The following PRLR variants were observed in gnomAD, a reference collection of about 807,000 sequenced individuals.
The protein encoded by PRLR is prolactin receptor, also known as hPRL receptor.
In PRLR, 13 loss-of-function variants were observed where a neutral mutation model predicts 40.2. The observed-to-expected ratio is 0.32, with a 90% CI of 0.21 to 0.51. PRLR has a LOEUF of 0.51. Among genes scored for constraint, PRLR ranks in the 20% least tolerant of loss-of-function variants. PRLR has a pLI of 0.97. For missense variants in PRLR, 656 were observed against 747.3 expected, an observed-to-expected ratio of 0.88 and a Z score of 1.42; for synonymous variants, 269 against 278.7, an observed-to-expected ratio of 0.97 and a Z score of 0.35.
At chr5:35,225,747 T>TCTTGG (rs2111689072) in intron 1 of PRLR, among the ~76,000 whole-genome samples, 1 of 152,330 alleles carries the variant, frequency 6.6e-6, no homozygotes, top group African/African-American at 2.4e-5. Context: ...AATGGCGCAA[T>TCTTGG]CTTGGCTCAC....
At chr5:35,192,953 G>GT (rs926568175) in intron 1 of PRLR, among the ~76,000 whole-genome samples, 7 of 152,168 alleles carry the variant, frequency 4.6e-5, no homozygotes, top group African/African-American at 1.7e-4. Context: ...TCTGAGTGTG[G>GT]TTTTTTCCTG....
At chr5:35,101,063 G>A (rs1000506363) in intron 2 of PRLR, among the ~76,000 whole-genome samples, 1 of 152,196 alleles carries the variant, frequency 6.6e-6, no homozygotes, top group African/African-American at 2.4e-5. Context: ...AAGTAGAAGA[G>A]CAGTGATTAA....
chr5:35,090,100 T>C (rs1316311528), intron 2 of PRLR, among the ~76,000 whole-genome samples: 3 of 152,176 alleles, frequency 2.0e-5, no homozygotes, highest in Non-Finnish European at 2.9e-5. Context: ...GTACCCTCAG[T>C]ACAATCTCAA....
chr5:35,119,871 G>C (rs1311778820), intron 1 of PRLR, among the ~76,000 whole-genome samples: 1 of 152,176 alleles, frequency 6.6e-6, no homozygotes, highest in Non-Finnish European at 1.5e-5. Context: ...GCAGATAGCA[G>C]CAGTGAGGGC....
intron 1 of PRLR, among the ~76,000 whole-genome samples, chr5:35,130,650 T>C (rs556560599): frequency 1.6e-4 from 24 of 152,292 alleles, no homozygotes; most frequent in African/African-American, 4.1e-4. Flanking sequence ...ATGGAAACCT[T>C]CTCATAATGT....
chr5:35,200,849 C>T (rs768391914), intron 1 of PRLR, among the ~76,000 whole-genome samples: 43 of 152,290 alleles, frequency 2.8e-4, no homozygotes, highest in South Asian at 8.3e-4. Flanking sequence ...ACAGACTTTG[C>T]GAAGATCACA....
chr5:35,051,016 C>T (rs1768478838), downstream of PRLR, among the ~76,000 whole-genome samples: 1 of 152,148 alleles, frequency 6.6e-6, no homozygotes, highest in Non-Finnish European at 1.5e-5. Flanking sequence ...TACTGTAACC[C>T]TTAGAATTTC....
chr5:35,093,719 G>T (rs1216625708), intron 2 of PRLR, among the ~76,000 whole-genome samples: 1 of 152,186 alleles, frequency 6.6e-6, no homozygotes, highest in Non-Finnish European at 1.5e-5. Flanking sequence ...CAAATTGTAA[G>T]TACAGTCATG....
Position 35,086,257 on chromosome 5 carries a change from T to C in PRLR, c.154A>G (p.Thr52Ala). The C allele has an allele frequency of 6.2e-7, 1 of 1,614,068 alleles. No homozygotes were observed. Among genetic ancestry groups the C allele is most frequent in the African/African-American group, 1.3e-5 (1 of 75,020 alleles). The change falls in exon 4 of 10, where the codon ACA becomes GCA. Residue 52 changes from threonine to alanine, a missense_variant. By Grantham distance (58) the Thr-to-Ala change is moderately conservative. Coordinates refer to ENST00000618457, the MANE Select transcript of PRLR (RefSeq NM_000949.7). The stretch of plus-strand genomic sequence containing the variant: ...TAATTGGTAGGAAGTCCTCCATCTG[T>C]CCCAGGCCTCCACCAGCAGGTGAAT... ...ETFTCWWRPG[T>A]DGGLPTNYSL... is the part of the protein sequence containing the mutation.
chr5:35,192,924 G>A (rs1452464194), intron 1 of PRLR, among the ~76,000 whole-genome samples: 2 of 152,196 alleles, frequency 1.3e-5, no homozygotes, highest in Admixed American at 6.5e-5. Context: ...CTGTCCCCAA[G>A]ACTGATGCTG....
chr5:35,228,622 G>A lies in PRLR; in HGVS notation c.-106+1646C>T, dbSNP rs982041007. 2.6e-5 allele frequency among the ~76,000 whole-genome samples: 4 copies of A among 152,298 alleles called. No homozygotes were observed. In the East Asian group the frequency reaches 7.7e-4, roughly 29 times the overall value. On this transcript the variant is annotated intron_variant, in intron 1 of 9. Coordinates refer to ENST00000618457, the MANE Select transcript of PRLR (RefSeq NM_000949.7). Reference sequence around the variant, plus strand: ...TTAGATGGCTCTCCAGGGTTGGTGGGACTGAAAATTCTAGGGGTAAGGACT... The same window carrying A: ...TTAGATGGCTCTCCAGGGTTGGTGGAACTGAAAATTCTAGGGGTAAGGACT...
At chr5:35,190,476 G>C (rs1331822978) in intron 1 of PRLR, among the ~76,000 whole-genome samples, 1 of 152,052 alleles carries the variant, frequency 6.6e-6, no homozygotes, top group South Asian at 2.1e-4. Flanking sequence ...ATAGTGGCAG[G>C]TGCCTGTAAT....
Position 35,061,685 on chromosome 5 carries a change from G to T in PRLR, c.*3404C>A, listed in dbSNP as rs1251101304. On this transcript the variant is annotated 3_prime_UTR_variant, in exon 10 of 10. Transcript: ENST00000618457. ...TGAATTGGAACATCTTGCTGTTCAG[G>T]TTGTAAGCTACACAAATCACCCGTT... The T allele has an allele frequency of 6.6e-6, 1 of 152,172 alleles. No homozygotes were observed. Among genetic ancestry groups the T allele is most frequent in the African/African-American group, 2.4e-5 (1 of 41,436 alleles). 9.4% of individuals were successfully genotyped at this position (152,172 alleles called of 1,614,324 possible).
intron 1 of PRLR, among the ~76,000 whole-genome samples, chr5:35,221,731 A>G (rs1776426022): frequency 1.3e-5 from 2 of 152,226 alleles, no homozygotes; most frequent in South Asian, 2.1e-4. Flanking sequence ...TCTCACGTGC[A>G]ATCAGTGTGG....
At chr5:35,080,565 G>A (rs922742401) in intron 5 of PRLR, among the ~76,000 whole-genome samples, 6 of 152,206 alleles carry the variant, frequency 3.9e-5, no homozygotes, top group African/African-American at 1.2e-4. Context: ...AGGATGTGGA[G>A]AAATAGGAAC....
chr5:35,137,218 G>C (rs1182118010), intron 1 of PRLR, among the ~76,000 whole-genome samples: 1 of 152,206 alleles, frequency 6.6e-6, no homozygotes, highest in Non-Finnish European at 1.5e-5. Flanking sequence ...CTTGGAGAAG[G>C]TTAGGGATTG....
intron 1 of PRLR, among the ~76,000 whole-genome samples, chr5:35,216,878 A>G (rs1458254607): frequency 6.6e-6 from 1 of 152,244 alleles, no homozygotes; most frequent in Non-Finnish European, 1.5e-5. Context: ...AGAATAAGTC[A>G]TAGTCCTGCC....
At chr5:35,201,992 T>G (rs554407332) in intron 1 of PRLR, among the ~76,000 whole-genome samples, 1 of 152,274 alleles carries the variant, frequency 6.6e-6, no homozygotes, top group African/African-American at 2.4e-5. Context: ...CATAAAGACC[T>G]CTAGATAAAG....
At chr5:35,161,436 C>G (rs563211838) in intron 1 of PRLR, among the ~76,000 whole-genome samples, 1 of 152,296 alleles carries the variant, frequency 6.6e-6, no homozygotes, top group South Asian at 2.1e-4. Context: ...GAGGCCTAGG[C>G]AGGATCTTGT....
Sources: gnomAD v4.1 joint callset for allele counts (sites outside exome capture counted in the v4.1 genomes callset) on GRCh38, gnomAD v4.1.1 for gene constraint, MANE v1.5 for transcripts, NCBI Gene and HGNC (gene_info 2026-07-23, HGNC 2026-07-21) for gene names.